NCAPD3: variants seen among roughly 807,000 people sequenced by gnomAD.
NCAPD3 encodes non-SMC condensin II complex subunit D3.
In NCAPD3, 105 loss-of-function variants were observed where a neutral mutation model predicts 182.9. The ratio of observed to expected loss-of-function variants is 0.57; its 90% CI spans 0.49 to 0.68. NCAPD3 has a LOEUF of 0.68. NCAPD3 is among the 30% of genes least tolerant of loss of function. The probability of loss-of-function intolerance (pLI) is 0.00; values close to 1 mark genes in which losing one functional copy is unlikely to be tolerated. For synonymous variants in NCAPD3, 815 were observed against 679.9 expected, an observed-to-expected ratio of 1.20 and a Z score of -3.09; for missense variants, 1,944 against 1,837.0, an observed-to-expected ratio of 1.06 and a Z score of -1.07.
At chr11:134,197,273 CT>C (rs35691982) in intron 13 of NCAPD3, among the ~76,000 whole-genome samples, 1,227 of 111,926 alleles carry the variant, frequency 0.011, 4 homozygotes, top group Middle Eastern at 0.024. Flanking sequence ...AGTCTCACAT[CT>C]TTTTTTTTTT....
Position 134,152,363 on chromosome 11 carries a change from A to G in NCAPD3, c.*581T>C, listed in dbSNP as rs1943267622. The stretch of plus-strand genomic sequence containing the variant: ...TTGGTTTCATTCCTCTAACAAACAA[A>G]CATGCTTTATGTAAAATTAAAATGA... On this transcript the variant is annotated 3_prime_UTR_variant, in exon 35 of 35. Transcript: ENST00000534548. 1 of 152,224 alleles carries G rather than the reference A, an allele frequency of 6.6e-6. No homozygotes were observed. The highest frequency in any genetic ancestry group is 2.4e-5 in the African/African-American group (1 of 41,460). 9.4% of individuals were successfully genotyped at this position (152,224 alleles called of 1,614,324 possible). A position where few individuals can be genotyped will look rare whatever the true frequency, so the allele number is the denominator to read the frequency against.
intron 27 of NCAPD3, among the ~76,000 whole-genome samples, chr11:134,165,945 G>C (rs1484335825): frequency 8.7e-6 from 1 of 115,450 alleles, no homozygotes; most frequent in Non-Finnish European, 1.8e-5. Flanking sequence ...ACACTCACTT[G>C]TGAGATGAGC....
At position 134,157,802 on chromosome 11, in the gene NCAPD3, G is replaced by C. The variant is rs1943465341; in HGVS notation, c.4174+126C>G. The C allele has an allele frequency of 2.2e-5, 24 of 1,072,122 alleles. No homozygotes were observed. In the South Asian group the frequency reaches 4.1e-4, roughly 18 times the overall value. The allele number at this position is 1,072,122 out of a possible 1,614,324, so 66.4% of individuals were successfully genotyped here. On this transcript the variant is annotated intron_variant, in intron 31 of 34. Coordinates refer to ENST00000534548, the MANE Select transcript of NCAPD3 (RefSeq NM_015261.3). ...TGTTTTACTACCCATGATCCTAAAA[G>C]CCCAATTAACGTTATTTGTTTTAAA...
chr11:134,193,091 CA>C (rs1240792704), intron 15 of NCAPD3, among the ~76,000 whole-genome samples, 182 bp from the exon 16 acceptor site: 8 of 151,974 alleles, frequency 5.3e-5, no homozygotes, highest in Non-Finnish European at 8.8e-5. Flanking sequence ...CACTGCAAAC[CA>C]AAATTTTAAA....
At chr11:134,157,870 G>A in intron 31 of NCAPD3, 58 bp downstream of exon 31, 2 of 1,527,860 alleles carry the variant, frequency 1.3e-6, no homozygotes, top group South Asian at 2.5e-5. Context: ...GAAGTAGCTT[G>A]TTCTGTGTTT....
chr11:134,169,954 G>A (rs1233757154), intron 24 of NCAPD3, among the ~76,000 whole-genome samples: 1 of 152,206 alleles, frequency 6.6e-6, no homozygotes, highest in African/African-American at 2.4e-5. Flanking sequence ...CTCCTTGGGA[G>A]AGGAGCAGTG....
intron 3 of NCAPD3, among the ~76,000 whole-genome samples, chr11:134,214,133 C>T (rs1937936132): frequency 6.7e-6 from 1 of 149,728 alleles, no homozygotes; most frequent in Non-Finnish European, 1.5e-5. Context: ...TGTTAAAGTG[C>T]AAATGGAAGA....
At chr11:134,207,767 A>AC (rs1937669993) in intron 7 of NCAPD3, among the ~76,000 whole-genome samples, 1 of 143,990 alleles carries the variant, frequency 6.9e-6, no homozygotes, top group Non-Finnish European at 1.5e-5. Flanking sequence ...AAAAAAAAAA[A>AC]CCATCTTTAG....
Position 134,152,395 on chromosome 11 carries a change from A to G in NCAPD3, c.*549T>C, listed in dbSNP as rs1943269321. 1 of 152,262 alleles carries G rather than the reference A, an allele frequency of 6.6e-6. No homozygotes were observed. The highest frequency in any genetic ancestry group is 2.4e-5 in the African/African-American group (1 of 41,470). The allele number at this position is 152,262 out of a possible 1,614,324, so 9.4% of individuals were successfully genotyped here. On this transcript the variant is annotated 3_prime_UTR_variant, in exon 35 of 35. Transcript: ENST00000534548. ...TTATGTAAAATTAAAATGATTACCAATAAGAGCTCTGTTCTAAAAACAGAA... is the reference window on the plus strand; with the variant it reads ...TTATGTAAAATTAAAATGATTACCAGTAAGAGCTCTGTTCTAAAAACAGAA...
At chr11:134,222,375 A>G (rs78588903) in intron 1 of NCAPD3, among the ~76,000 whole-genome samples, 2,468 of 152,306 alleles carry the variant, frequency 0.016, 61 homozygotes, top group African/African-American at 0.054. Context: ...CTTGTCCACA[A>G]AGATCTCAAC....
intron 14 of NCAPD3, among the ~76,000 whole-genome samples, chr11:134,194,447 T>C (rs1944585277): frequency 6.6e-6 from 1 of 152,144 alleles, no homozygotes; most frequent in Non-Finnish European, 1.5e-5. Flanking sequence ...GGATATAAAT[T>C]TGTGGTTCTT....
At chr11:134,218,785 T>C (rs1264564643) in intron 2 of NCAPD3, among the ~76,000 whole-genome samples, 1 of 152,142 alleles carries the variant, frequency 6.6e-6, no homozygotes, top group Non-Finnish European at 1.5e-5. Flanking sequence ...AAATTGTAAC[T>C]CCGGATCATG....
intron 20 of NCAPD3, among the ~76,000 whole-genome samples, chr11:134,179,299 A>T (rs1284606354): frequency 6.6e-6 from 1 of 152,206 alleles, no homozygotes; most frequent in African/African-American, 2.4e-5. Context: ...TTTTGTGTAT[A>T]ACTTTTTCAA....
intron 24 of NCAPD3, among the ~76,000 whole-genome samples, chr11:134,171,494 A>C (rs1944005083): frequency 6.6e-6 from 1 of 152,190 alleles, no homozygotes; most frequent in South Asian, 2.1e-4. Context: ...CAATAAAGGC[A>C]GACTCAAGAG....
In NCAPD3 at chr11:134,159,779, G is replaced by A. The variant is rs185546767; in HGVS notation, c.3867+113C>T. On this transcript the variant is annotated intron_variant, in intron 29 of 34. Transcript: ENST00000534548. ...AACAAGCAGCACTCTCGAGGCCTTC[G>A]GGCTGACTAACCTCTGATGACGGAG... 1.2e-4 allele frequency: 139 copies of A among 1,195,366 alleles called. No homozygotes were observed. The East Asian group carries it at 2.7e-3, about 23-fold the overall frequency. 74.0% of individuals were successfully genotyped at this position (1,195,366 alleles called of 1,614,324 possible). A position where few individuals can be genotyped will look rare whatever the true frequency, so the allele number is the denominator to read the frequency against.
rs572620062 is a variant in NCAPD3 at position 134,217,694 on chromosome 11, A to T, written c.220-596T>A. Among the ~76,000 whole-genome samples, 640 of 152,370 alleles carry T rather than the reference A, an allele frequency of 4.2e-3. 3 individuals are homozygous for T. Among genetic ancestry groups the T allele is most frequent in the African/African-American group, 0.014 (593 of 41,588 alleles). The stretch of plus-strand genomic sequence containing the variant: ...AAGAAATGGGTTATTTTAATAACCT[A>T]AACATAGCAGGAACTAAATATGGTT... On this transcript the variant is annotated intron_variant, in intron 2 of 34. Coordinates refer to ENST00000534548, the MANE Select transcript of NCAPD3 (RefSeq NM_015261.3).
chr11:134,223,988 C>CAG, upstream of NCAPD3: 1 of 1,583,694 alleles, frequency 6.3e-7, no homozygotes, highest in Non-Finnish European at 8.6e-7. Context: ...CCCGCGCGCG[C>CAG]GCCGAGTCGT....
At chr11:134,153,863 T>G in intron 32 of NCAPD3, 1 of 174,538 alleles carries the variant, frequency 5.7e-6, no homozygotes, top group Non-Finnish European at 1.2e-5. Flanking sequence ...CCCTTCTACC[T>G]CCAGTCGCCG....
intron 32 of NCAPD3, chr11:134,156,792 GTGT>G: frequency 2.3e-6 from 1 of 426,596 alleles, no homozygotes; most frequent in East Asian, 3.8e-5. Flanking sequence ...GGCCACTGTG[GTGT>G]TTGACTGACT....
Sources: gnomAD v4.1 joint callset for allele counts (sites outside exome capture counted in the v4.1 genomes callset) on GRCh38, gnomAD v4.1.1 for gene constraint, MANE v1.5 for transcripts, NCBI Gene and HGNC (gene_info 2026-07-23, HGNC 2026-07-21) for gene names.